ELAPOR2: variants seen among roughly 807,000 people sequenced by gnomAD.
ELAPOR2 encodes the protein endosome-lysosome associated apoptosis and autophagy regulator family member 2.
Under a neutral mutation model 120.7 loss-of-function variants are expected in ELAPOR2, and 89 were observed. The ratio of observed to expected loss-of-function variants is 0.74; its 90% CI spans 0.62 to 0.88. The LOEUF (loss-of-function observed/expected upper bound fraction) is 0.88, where lower values mean the gene tolerates loss of function less well. Ranked by LOEUF, ELAPOR2 falls within the 40% of genes least tolerant of loss-of-function variation. The pLI is 0.00. For synonymous variants in ELAPOR2, 444 were observed against 444.9 expected (o/e 1.00, Z 0.03); for missense variants, 1,134 against 1,251.6 (o/e 0.91, Z 1.42).
chr7:87,002,131 T>G (rs1185272138), intron 1 of ELAPOR2, among the ~76,000 whole-genome samples: 2 of 152,142 alleles, frequency 1.3e-5, no homozygotes, highest in African/African-American at 4.8e-5. Flanking sequence ...ACTTGCCAAT[T>G]AGAGATATCT....
rs983442149 is a variant in ELAPOR2, at chr7:86,881,069, A to C, written c.3031-539T>G. 3.9e-5 allele frequency among the ~76,000 whole-genome samples: 6 copies of C among 152,210 alleles called. No individual in the cohort carries two copies. The East Asian group carries it at 1.2e-3, about 29-fold the overall frequency. On this transcript the variant is annotated intron_variant, in intron 21 of 21. Transcript: ENST00000450689. ...AGATATTAAACAAGTCATCTTTGAT[A>C]ATAGGTCAAAATTTTCACTCAAATG...
intron 12 of ELAPOR2, among the ~76,000 whole-genome samples, chr7:86,917,448 T>C (rs939292824): frequency 2.6e-5 from 4 of 151,882 alleles, no homozygotes; most frequent in African/African-American, 9.7e-5. Flanking sequence ...TTGACAGCAG[T>C]ATAGATGAAA....
intron 15 of ELAPOR2, among the ~76,000 whole-genome samples, chr7:86,910,797 G>A (rs1789268040): frequency 6.6e-6 from 1 of 152,092 alleles, no homozygotes; most frequent in African/African-American, 2.4e-5. Context: ...GTTAGATATA[G>A]AGTGTACACA....
At chr7:86,923,292 G>A (rs1789908770) in intron 10 of ELAPOR2, among the ~76,000 whole-genome samples, 1 of 151,788 alleles carries the variant, frequency 6.6e-6, no homozygotes, top group South Asian at 2.1e-4. Context: ...GAATTAGAAT[G>A]TCCCCAACAT....
At chr7:87,006,817 A>G (rs1452764303) in intron 1 of ELAPOR2, among the ~76,000 whole-genome samples, 2 of 152,240 alleles carry the variant, frequency 1.3e-5, no homozygotes, top group Non-Finnish European at 2.9e-5. Context: ...ATGTCCATCA[A>G]CAGAAAAATA....
At chr7:87,059,288 C>T (rs1256183648) in intron 1 of ELAPOR2, 37 bp downstream of exon 1, 1 of 1,246,200 alleles carries the variant, frequency 8.0e-7, no homozygotes, top group Non-Finnish European at 1.0e-6. Context: ...GCGCCCTCCC[C>T]CAGCAAACTC....
At chr7:86,905,182 A>AAGAGAGAG (rs147886977) in intron 18 of ELAPOR2, among the ~76,000 whole-genome samples, 1 of 143,360 alleles carries the variant, frequency 7.0e-6, no homozygotes, top group East Asian at 2.1e-4. Context: ...GAAAGAGAGA[A>AAGAGAGAG]AGAGAGAGAG....
At chr7:86,915,710 T>C (rs1789543267) in intron 12 of ELAPOR2, among the ~76,000 whole-genome samples, 1 of 149,808 alleles carries the variant, frequency 6.7e-6, no homozygotes, top group African/African-American at 2.5e-5. Context: ...CAATAAGGTT[T>C]CATGAGCTCA....
intron 20 of ELAPOR2, 132 bp from the exon 21 acceptor site, chr7:86,892,021 C>T (rs1186734627): frequency 1.7e-6 from 1 of 590,120 alleles, no homozygotes. Flanking sequence ...ACAAATTTCC[C>T]TAGCCTATAG....
At chr7:87,037,168 C>G (rs1794614880) in intron 1 of ELAPOR2, among the ~76,000 whole-genome samples, 2 of 151,990 alleles carry the variant, frequency 1.3e-5, no homozygotes, top group Admixed American at 6.6e-5. Flanking sequence ...GCTATATGCT[C>G]AGAGCCTAAG....
Position 86,944,908 on chromosome 7 carries a change from AAAG to A in ELAPOR2, c.642_644del (p.Phe215del), listed in dbSNP as rs1353512070. 5 of 1,543,544 alleles carry A rather than the reference AAAG, an allele frequency of 3.2e-6. No homozygotes were observed. Among genetic ancestry groups the A allele is most frequent in the East Asian group, 2.5e-5 (1 of 40,788 alleles). On this transcript the variant is annotated inframe_deletion, in exon 4 of 22. Coordinates refer to ENST00000450689, the MANE Select transcript of ELAPOR2 (RefSeq NM_001142749.3). ...ATACAAAAGGTCTTACAAAGAACTC[AAAG>A]AAGATGTTGTTGTCGACATACTGGT...
chr7:86,914,659 G>A, intron 13 of ELAPOR2, 64 bp downstream of exon 13: 1 of 1,352,292 alleles, frequency 7.4e-7, no homozygotes. Flanking sequence ...CACTTTGTAT[G>A]CATCTCCACA....
intron 8 of ELAPOR2, among the ~76,000 whole-genome samples, chr7:86,929,140 A>C (rs1369413660): frequency 6.6e-6 from 1 of 151,978 alleles, no homozygotes; most frequent in African/African-American, 2.4e-5. Flanking sequence ...CATGAAAAAA[A>C]AACCACATTT....
chr7:86,938,714 G>T, intron 7 of ELAPOR2, 94 bp downstream of exon 7: 1 of 1,313,660 alleles, frequency 7.6e-7, no homozygotes, highest in Non-Finnish European at 1.1e-6. Context: ...AGGCACCACT[G>T]CTGTCATACT....
intron 1 of ELAPOR2, among the ~76,000 whole-genome samples, chr7:87,029,864 A>T (rs2116729099): frequency 6.6e-6 from 1 of 152,328 alleles, no homozygotes; most frequent in Admixed American, 6.5e-5. Context: ...AAATAAGGAC[A>T]TAACAATGAG....
At chr7:87,033,699 T>C (rs1033224082) in intron 1 of ELAPOR2, among the ~76,000 whole-genome samples, 1 of 151,992 alleles carries the variant, frequency 6.6e-6, no homozygotes, top group Non-Finnish European at 1.5e-5. Context: ...AAAGACTAAA[T>C]AAGTGAGAAC....
chr7:86,910,031 T>G, intron 15 of ELAPOR2, 30 bp from the exon 16 acceptor site: 1 of 1,548,842 alleles, frequency 6.5e-7, no homozygotes, highest in Non-Finnish European at 8.8e-7. Context: ...AAAGAAAGGT[T>G]TTATTGGATG....
intron 1 of ELAPOR2, among the ~76,000 whole-genome samples, chr7:87,015,626 A>C (rs1562969045): frequency 1.3e-5 from 2 of 151,960 alleles, no homozygotes; most frequent in Non-Finnish European, 2.9e-5. Context: ...GCCTCTACTA[A>C]AAATACAAAA....
intron 5 of ELAPOR2, chr7:86,941,357 A>C (rs1365606682): frequency 1.9e-6 from 1 of 532,696 alleles, no homozygotes; most frequent in Non-Finnish European, 3.9e-6. Context: ...GTTACCTGGT[A>C]ATTGCCTTCA....
Sources: gnomAD v4.1 joint callset for allele counts (sites outside exome capture counted in the v4.1 genomes callset) on GRCh38, gnomAD v4.1.1 for gene constraint, MANE v1.5 for transcripts, NCBI Gene and HGNC (gene_info 2026-07-23, HGNC 2026-07-21) for gene names.